DPH6: variants seen among roughly 807,000 people sequenced by gnomAD.
DPH6 encodes diphthamine biosynthesis 6, also known as diphthine--ammonia ligase.
Under a neutral mutation model 38.2 loss-of-function variants are expected in DPH6, and 33 were observed. The ratio of observed to expected loss-of-function variants is 0.86; its 90% CI spans 0.65 to 1.15. The LOEUF is 1.15. Among genes scored for constraint, DPH6 ranks in the 50% most tolerant of loss-of-function variants. The pLI is 0.00. For synonymous variants in DPH6, 108 were observed against 103.0 expected (o/e 1.05, Z -0.30); for missense variants, 325 against 320.0 (o/e 1.02, Z -0.12).
chr15:35,392,498 T>C (rs1323116243), intron 6 of DPH6, among the ~76,000 whole-genome samples: 3 of 152,174 alleles, frequency 2.0e-5, no homozygotes, highest in Non-Finnish European at 4.4e-5. Context: ...AATTTCATTT[T>C]ATAAACGGTA....
chr15:35,372,329 T>C (rs1245431447), intron 8 of DPH6, 126 bp from the exon 9 acceptor site: 1 of 795,264 alleles, frequency 1.3e-6, no homozygotes, highest in East Asian at 3.3e-5. Context: ...CTATTTCAGG[T>C]AACAGTATTG....
chr15:35,504,968 A>T (rs1287729309), intron 3 of DPH6, among the ~76,000 whole-genome samples: 1 of 152,148 alleles, frequency 6.6e-6, no homozygotes, highest in African/African-American at 2.4e-5. Flanking sequence ...CCATCAAATT[A>T]TAAATATTAC....
chr15:35,202,211 A>G, the DPH6 span, among the ~76,000 whole-genome samples: 2 of 151,812 alleles, frequency 1.3e-5, no homozygotes, highest in Non-Finnish European at 3.0e-5. Context: ...TATTTACAAT[A>G]TAGTGGCTGT....
At chr15:35,528,084 A>G (rs910809031) in intron 3 of DPH6, among the ~76,000 whole-genome samples, 3 of 152,198 alleles carry the variant, frequency 2.0e-5, no homozygotes, top group Admixed American at 1.3e-4. Context: ...GTGTAATTGC[A>G]TATCAAAAAT....
chr15:35,279,028 GAC>G (rs2051877761), intron 3 of DPH6, among the ~76,000 whole-genome samples: 2 of 117,266 alleles, frequency 1.7e-5, no homozygotes, highest in Non-Finnish European at 3.2e-5. Context: ...CAGCCTCAGT[GAC>G]AGAGTGAGAC....
At chr15:35,526,629 A>G (rs1421212777) in intron 3 of DPH6, among the ~76,000 whole-genome samples, 2 of 152,110 alleles carry the variant, frequency 1.3e-5, no homozygotes, top group Non-Finnish European at 2.9e-5. Flanking sequence ...AAATCTTTTA[A>G]TTCATATACT....
At position 35,331,483 on chromosome 15, in the gene DPH6, A is replaced by G. The variant is rs368577391; in HGVS notation, n.208-406T>C. On this transcript the variant is annotated intron_variant and non_coding_transcript_variant, in intron 3 of 3. Transcript: ENST00000558973. ...AGTACCATTGAAAATTTGAAACTAA[A>G]ATGCAGGATTCAAAAGAACACTGGG... is the stretch of plus-strand genomic sequence containing the variant. Among the ~76,000 whole-genome samples the G allele has an allele frequency of 5.8e-4, 89 of 152,330 alleles. No homozygotes were observed. The Middle Eastern group carries it at 0.014, about 23-fold the overall frequency.
chr15:35,533,739 TAAAC>T (rs2055123871), intron 3 of DPH6, among the ~76,000 whole-genome samples: 1 of 151,402 alleles, frequency 6.6e-6, no homozygotes, highest in Non-Finnish European at 1.5e-5. Context: ...TCAATAATAA[TAAAC>T]AGAAGGAAAG....
chr15:35,326,458 A>T (rs1483602367), downstream of DPH6, among the ~76,000 whole-genome samples: 1 of 152,070 alleles, frequency 6.6e-6, no homozygotes, highest in Non-Finnish European at 1.5e-5. Context: ...TTTAAGAGAC[A>T]GGGTCTTTCT....
chr15:35,397,080 G>A (rs2053143359), intron 6 of DPH6, among the ~76,000 whole-genome samples: 1 of 152,212 alleles, frequency 6.6e-6, no homozygotes, highest in Non-Finnish European at 1.5e-5. Context: ...TTTAGGAAAG[G>A]AAGTCTGTAT....
chr15:35,337,569 G>A (rs1057124001), intron 3 of DPH6, among the ~76,000 whole-genome samples: 1 of 152,130 alleles, frequency 6.6e-6, no homozygotes, highest in African/African-American at 2.4e-5. Flanking sequence ...ATGCTCATGG[G>A]TAGGAGGAAT....
At chr15:35,440,718 A>G (rs57752147) in intron 5 of DPH6, among the ~76,000 whole-genome samples, 4,429 of 152,296 alleles carry the variant, frequency 0.029, 220 homozygotes, top group African/African-American at 0.1. Context: ...GGGGGTCTGC[A>G]TGATCACTGG....
chr15:35,434,544 C>G (rs941053836), intron 5 of DPH6, among the ~76,000 whole-genome samples: 1 of 151,812 alleles, frequency 6.6e-6, no homozygotes, highest in Non-Finnish European at 1.5e-5. Flanking sequence ...AAGATTGGGT[C>G]AATAATAAAA....
intron 3 of DPH6, among the ~76,000 whole-genome samples, chr15:35,266,518 G>C (rs2051784815): frequency 6.6e-6 from 1 of 152,176 alleles, no homozygotes; most frequent in African/African-American, 2.4e-5. Flanking sequence ...GAACTAGTTA[G>C]AGTTTGCACT....
chr15:35,151,308 T>G, the DPH6 span, among the ~76,000 whole-genome samples: 1 of 152,254 alleles, frequency 6.6e-6, no homozygotes, highest in Non-Finnish European at 1.5e-5. Flanking sequence ...CATATTAGAA[T>G]GAAGATTCTG....
chr15:35,344,238 T>C (rs1487654009), intron 3 of DPH6, among the ~76,000 whole-genome samples: 1 of 151,974 alleles, frequency 6.6e-6, no homozygotes, highest in African/African-American at 2.4e-5. Context: ...AGAGGAAATG[T>C]GAATTGCTGA....
At chr15:35,207,167 C>T in the DPH6 span, among the ~76,000 whole-genome samples, 1 of 150,716 alleles carries the variant, frequency 6.6e-6, no homozygotes, top group East Asian at 2.0e-4. Context: ...CCACCTCAGC[C>T]TCCTAAGTAG....
intron 5 of DPH6, among the ~76,000 whole-genome samples, chr15:35,420,662 T>C (rs1168336450): frequency 1.3e-5 from 2 of 152,056 alleles, no homozygotes; most frequent in Admixed American, 1.3e-4. Context: ...ACTACAGGCA[T>C]GTGTCACCAT....
chr15:35,257,851 CTT>C (rs1028220339), intron 3 of DPH6, among the ~76,000 whole-genome samples: 38 of 151,178 alleles, frequency 2.5e-4, no homozygotes, highest in African/African-American at 6.8e-4. Context: ...AGCAGGAAAA[CTT>C]TACCTTGATT....
Sources: allele counts gnomAD v4.1 joint callset (sites outside exome capture counted in the v4.1 genomes callset), GRCh38; gene constraint gnomAD v4.1.1; transcripts MANE v1.5; gene names NCBI Gene and HGNC (gene_info 2026-07-23, HGNC 2026-07-21).